CTNND2: variants seen among roughly 807,000 people sequenced by gnomAD.
CTNND2 encodes catenin delta 2, also known as catenin delta-2.
CTNND2 carries 22 observed loss-of-function variants against 144.4 expected under a neutral mutation model. That is an observed-to-expected ratio of 0.15 (90% CI 0.11 to 0.22). The LOEUF (loss-of-function observed/expected upper bound fraction) is 0.22. CTNND2 is among the 10% of genes least tolerant of loss of function. The pLI is 1.00. For missense variants in CTNND2, 1,353 were observed against 1,618.8 expected (o/e 0.84, Z 2.82); for synonymous variants, 751 against 695.6 (o/e 1.08, Z -1.25).
chr5:11,112,124 C>G (rs868254893), intron 13 of CTNND2, among the ~76,000 whole-genome samples: 1 of 152,186 alleles, frequency 6.6e-6, no homozygotes, highest in Admixed American at 6.5e-5. Flanking sequence ...GCTGGGATTA[C>G]AGTCGTGAGC....
At chr5:11,295,494 T>C (rs1459777905) in intron 9 of CTNND2, among the ~76,000 whole-genome samples, 1 of 152,174 alleles carries the variant, frequency 6.6e-6, no homozygotes, top group Non-Finnish European at 1.5e-5. Context: ...TTAAAGTTTG[T>C]ATGGAACCAA....
chr5:11,714,789 G>A (rs1786258059), intron 2 of CTNND2, among the ~76,000 whole-genome samples: 1 of 151,712 alleles, frequency 6.6e-6, no homozygotes, highest in South Asian at 2.1e-4. Flanking sequence ...GGTGCCTGTA[G>A]TCCCAGCTAC....
In CTNND2 at chr5:11,447,571, C is replaced by T. The variant is rs770641590; in HGVS notation, c.288-35502G>A. On this transcript the variant is annotated intron_variant, in intron 3 of 21. Coordinates refer to ENST00000304623, the MANE Select transcript of CTNND2 (RefSeq NM_001332.4). ...CATAGGCACCAATCAACAATAGACA[C>T]CAGCAATGTCAGAGATGGCCCTGGA... Among the ~76,000 whole-genome samples the T allele has an allele frequency of 2.6e-5, 4 of 152,274 alleles. No homozygotes were observed. In the East Asian group the frequency reaches 7.7e-4, roughly 29 times the overall value.
At position 11,770,536 on chromosome 5, in the gene CTNND2, C is replaced by T. The variant is rs372042865; in HGVS notation, c.38-38264G>A. On this transcript the variant is annotated intron_variant, in intron 1 of 21. Coordinates refer to ENST00000304623, the MANE Select transcript of CTNND2 (RefSeq NM_001332.4). ...ATATTTTTAATCTGAATGAATATTT[C>T]CCATCATTCAGGAACCTACTCATGC... is the stretch of plus-strand genomic sequence containing the variant. Among the ~76,000 whole-genome samples, 18 of 152,002 alleles carry T rather than the reference C, an allele frequency of 1.2e-4. No homozygotes were observed. The East Asian group carries it at 2.5e-3, about 21-fold the overall frequency.
At chr5:11,265,048 A>G (rs1377646819) in intron 9 of CTNND2, among the ~76,000 whole-genome samples, 2 of 152,240 alleles carry the variant, frequency 1.3e-5, no homozygotes, top group Non-Finnish European at 2.9e-5. Context: ...TTAAATCAAA[A>G]AAACTGCCAT....
Position 11,384,625 on chromosome 5 carries a change from G to A in CTNND2, c.1177+40C>T, listed in dbSNP as rs568898264. On this transcript the variant is annotated intron_variant, in intron 7 of 21. Coordinates refer to ENST00000304623, the MANE Select transcript of CTNND2 (RefSeq NM_001332.4). The surrounding 1 kb of genome is among the most constrained non-coding windows in gnomAD (Gnocchi z 5.2). ...GCTGCTGCTTCCGCGTCCCCGCCAC[G>A]CGCCCAGGTGAGTCGCGCCAGGTGG... is the stretch of plus-strand genomic sequence containing the variant. 1.2e-5 allele frequency: 19 copies of A among 1,547,692 alleles called. No homozygotes were observed. In the East Asian group the frequency reaches 2.6e-4, roughly 21 times the overall value.
At chr5:11,050,528 C>T in intron 16 of CTNND2, among the ~76,000 whole-genome samples, 1 of 152,074 alleles carries the variant, frequency 6.6e-6, no homozygotes, top group East Asian at 1.9e-4. Context: ...AATTTGGAAC[C>T]AGAGCTCTAT....
chr5:11,793,336 T>C (rs766822992), intron 1 of CTNND2, among the ~76,000 whole-genome samples: 2 of 152,218 alleles, frequency 1.3e-5, no homozygotes, highest in African/African-American at 4.8e-5. Flanking sequence ...CCTTGATGCC[T>C]TTCATAATGT....
At chr5:11,313,447 G>A (rs804209) in intron 9 of CTNND2, among the ~76,000 whole-genome samples, 3 of 152,036 alleles carry the variant, frequency 2.0e-5, no homozygotes, top group Admixed American at 2.0e-4. Context: ...TCAGAGACCT[G>A]TGGGAACAAC....
At chr5:11,332,275 CA>C (rs5865932) in intron 9 of CTNND2, among the ~76,000 whole-genome samples, 14,979 of 81,458 alleles carry the variant, frequency 0.18, 1,598 homozygotes, top group African/African-American at 0.4. Flanking sequence ...AACTCCGTCT[CA>C]AAAAAAAAAA....
intron 2 of CTNND2, among the ~76,000 whole-genome samples, chr5:11,637,701 T>C: frequency 6.6e-6 from 1 of 152,158 alleles, no homozygotes; most frequent in East Asian, 1.9e-4. Context: ...GCAACATCAA[T>C]CTTCTCAACA....
intron 3 of CTNND2, among the ~76,000 whole-genome samples, chr5:11,534,252 G>A (rs960683181): frequency 3.9e-5 from 6 of 152,078 alleles, no homozygotes; most frequent in African/African-American, 1.4e-4. Flanking sequence ...CTTGTTGTAG[G>A]CACTAAAATC....
chr5:11,348,657 G>A (rs952890159), intron 8 of CTNND2, among the ~76,000 whole-genome samples: 1 of 152,058 alleles, frequency 6.6e-6, no homozygotes, highest in African/African-American at 2.4e-5. Context: ...GAAATCTAAA[G>A]AAGTCTTTTT....
chr5:11,153,500 T>C (rs984099039), intron 12 of CTNND2, among the ~76,000 whole-genome samples: 1 of 152,154 alleles, frequency 6.6e-6, no homozygotes, highest in Non-Finnish European at 1.5e-5. Flanking sequence ...TAAACGTCCT[T>C]GGAGCTTTGT....
intron 1 of CTNND2, among the ~76,000 whole-genome samples, chr5:11,814,925 T>C (rs1792544546): frequency 1.3e-5 from 2 of 152,234 alleles, no homozygotes; most frequent in African/African-American, 2.4e-5. Context: ...GAATTGACCA[T>C]AGCAGATTTA....
At chr5:11,689,619 T>C (rs1784805925) in intron 2 of CTNND2, among the ~76,000 whole-genome samples, 1 of 152,244 alleles carries the variant, frequency 6.6e-6, no homozygotes, top group African/African-American at 2.4e-5. Flanking sequence ...CATAGTTTCA[T>C]GAAGCTAATA....
chr5:11,685,499 T>C (rs1445573603), intron 2 of CTNND2, among the ~76,000 whole-genome samples: 1 of 152,216 alleles, frequency 6.6e-6, no homozygotes, highest in East Asian at 1.9e-4. Context: ...AACATAGATT[T>C]AGGGATTGGG....
chr5:11,543,092 G>A (rs1171247223), intron 3 of CTNND2, among the ~76,000 whole-genome samples: 2 of 152,198 alleles, frequency 1.3e-5, no homozygotes, highest in East Asian at 3.8e-4. Context: ...CTATGTGACT[G>A]CTCAATCAGC....
intron 2 of CTNND2, among the ~76,000 whole-genome samples, chr5:11,629,150 C>A (rs577354851): frequency 6.6e-6 from 1 of 152,090 alleles, no homozygotes; most frequent in Non-Finnish European, 1.5e-5. Context: ...AATGTTAGAG[C>A]TATGCTTAAA....
Sources: gnomAD v4.1 joint callset for allele counts (sites outside exome capture counted in the v4.1 genomes callset) on GRCh38, gnomAD v4.1.1 for gene constraint, Gnocchi (gnomAD v3.1) non-coding constraint, MANE v1.5 for transcripts, NCBI Gene and HGNC (gene_info 2026-07-23, HGNC 2026-07-21) for gene names.